Variants in TMEM117 observed in about 807,000 individuals in gnomAD.
TMEM117 encodes transmembrane protein 117.
TMEM117 carries 27 observed loss-of-function variants against 52.4 expected under a neutral mutation model. That is an observed-to-expected ratio of 0.51 (90% CI 0.38 to 0.71). The LOEUF is 0.71. Among genes scored for constraint, TMEM117 ranks in the 30% least tolerant of loss-of-function variants. The probability of loss-of-function intolerance (pLI) is 0.00; values close to 1 mark genes in which losing one functional copy is unlikely to be tolerated. For missense variants in TMEM117, 556 were observed against 630.5 expected, an observed-to-expected ratio of 0.88 and a Z score of 1.26; for synonymous variants, 215 against 206.3, an observed-to-expected ratio of 1.04 and a Z score of -0.36.
chr12:43,827,168 T>C, the TMEM117 span, among the ~76,000 whole-genome samples: 1 of 152,030 alleles, frequency 6.6e-6, no homozygotes, highest in Non-Finnish European at 1.5e-5. Context: ...AAAGGAAATC[T>C]GCCCTGACCA....
chr12:44,098,480 G>A (rs1037642296), intron 3 of TMEM117, among the ~76,000 whole-genome samples: 7 of 152,008 alleles, frequency 4.6e-5, no homozygotes, highest in Admixed American at 2.6e-4. Context: ...ATTCTTAGAT[G>A]TGTCTGCCTA....
intron 3 of TMEM117, among the ~76,000 whole-genome samples, chr12:43,962,797 G>A (rs1241618991): frequency 2.0e-5 from 3 of 151,958 alleles, no homozygotes; most frequent in Non-Finnish European, 2.9e-5. Context: ...GCATGGCGGC[G>A]GGCGCCTGTA....
At chr12:44,067,880 G>A (rs1268095361) in intron 3 of TMEM117, among the ~76,000 whole-genome samples, 1 of 152,166 alleles carries the variant, frequency 6.6e-6, no homozygotes, top group African/African-American at 2.4e-5. Context: ...GTCTTAGACG[G>A]CATCTTCTTC....
intron 1 of TMEM117, among the ~76,000 whole-genome samples, chr12:43,842,522 T>C (rs954474812): frequency 5.6e-4 from 85 of 152,156 alleles, no homozygotes; most frequent in South Asian, 2.1e-4. Context: ...TTAACTAAGA[T>C]TGTGGGTTGA....
chr12:43,969,564 G>A (rs890452601), intron 3 of TMEM117, among the ~76,000 whole-genome samples: 6 of 151,478 alleles, frequency 4.0e-5, no homozygotes, highest in Non-Finnish European at 8.8e-5. Context: ...TTTCATCCTC[G>A]TATGAAAACC....
At chr12:43,823,804 T>A in the TMEM117 span, among the ~76,000 whole-genome samples, 5 of 152,040 alleles carry the variant, frequency 3.3e-5, no homozygotes, top group Admixed American at 2.0e-4. Context: ...GCACTGGCCA[T>A]GAGTGTAATT....
intron 6 of TMEM117, among the ~76,000 whole-genome samples, chr12:44,375,015 T>C (rs1228894027): frequency 2.0e-5 from 3 of 152,096 alleles, no homozygotes; most frequent in African/African-American, 7.2e-5. Context: ...TGTCTATTAT[T>C]ATTATCATTA....
At chr12:43,886,524 A>C (rs570612909) in intron 2 of TMEM117, among the ~76,000 whole-genome samples, 4 of 152,186 alleles carry the variant, frequency 2.6e-5, no homozygotes, top group Admixed American at 2.0e-4. Flanking sequence ...CAGCTTGCAT[A>C]GCTTAAAAAA....
chr12:44,009,716 A>C (rs1294996631), intron 3 of TMEM117: 1 of 251,228 alleles, frequency 4.0e-6, no homozygotes, highest in Admixed American at 4.0e-5. Flanking sequence ...CTTCTCTCCC[A>C]GCTCATGGGC....
At chr12:44,155,438 G>T (rs1482058231) in intron 4 of TMEM117, among the ~76,000 whole-genome samples, 1 of 152,072 alleles carries the variant, frequency 6.6e-6, no homozygotes, top group Admixed American at 6.6e-5. Context: ...TTGGCAAGTG[G>T]TCATGCTGTG....
At chr12:44,224,283 C>T (rs1244444194) in intron 5 of TMEM117, among the ~76,000 whole-genome samples, 1 of 152,054 alleles carries the variant, frequency 6.6e-6, no homozygotes, top group East Asian at 1.9e-4. Flanking sequence ...ATCTATACAT[C>T]TTTGTATCAA....
chr12:44,091,646 A>G (rs1035597782), intron 3 of TMEM117, among the ~76,000 whole-genome samples: 3 of 152,292 alleles, frequency 2.0e-5, no homozygotes, highest in South Asian at 2.1e-4. Flanking sequence ...GAATATTTCT[A>G]TTCTCAGCAT....
At chr12:43,914,673 G>A (rs989471120) in intron 2 of TMEM117, among the ~76,000 whole-genome samples, 1 of 152,096 alleles carries the variant, frequency 6.6e-6, no homozygotes, top group Non-Finnish European at 1.5e-5. Flanking sequence ...TTTCATGGTA[G>A]CCGTGCCTGC....
At chr12:44,017,468 C>T (rs528105705) in intron 3 of TMEM117, among the ~76,000 whole-genome samples, 4 of 151,780 alleles carry the variant, frequency 2.6e-5, no homozygotes, top group African/African-American at 9.7e-5. Flanking sequence ...ATCTGCTGGC[C>T]CTCCTCTTAC....
chr12:44,224,321 A>T (rs965630675), intron 5 of TMEM117, among the ~76,000 whole-genome samples: 19 of 152,172 alleles, frequency 1.2e-4, no homozygotes, highest in South Asian at 6.2e-4. Flanking sequence ...TTTATTTGTT[A>T]ATCTGCCCAA....
At chr12:43,949,154 A>C (rs925060501) in intron 3 of TMEM117, among the ~76,000 whole-genome samples, 1 of 152,224 alleles carries the variant, frequency 6.6e-6, no homozygotes, top group Non-Finnish European at 1.5e-5. Context: ...GCTAAGGGAC[A>C]TAAGGCAGAG....
the TMEM117 span, among the ~76,000 whole-genome samples, chr12:43,828,390 A>G: frequency 6.6e-6 from 1 of 152,334 alleles, no homozygotes; most frequent in Non-Finnish European, 1.5e-5. Context: ...AGGGCCTCAG[A>G]CATGTCTCAG....
At chr12:43,821,943 A>G in the TMEM117 span, among the ~76,000 whole-genome samples, 1 of 152,216 alleles carries the variant, frequency 6.6e-6, no homozygotes, top group African/African-American at 2.4e-5. Flanking sequence ...CTAGAACACT[A>G]TGTTGGGTGA....
chr12:44,000,701 T>C (rs1480486951), intron 3 of TMEM117, among the ~76,000 whole-genome samples: 5 of 152,058 alleles, frequency 3.3e-5, no homozygotes, highest in Non-Finnish European at 7.4e-5. Context: ...TCAGAGAAAA[T>C]TGAATCTCCC....
Sources: gnomAD v4.1 joint callset for allele counts (sites outside exome capture counted in the v4.1 genomes callset) on GRCh38, gnomAD v4.1.1 for gene constraint, MANE v1.5 for transcripts, NCBI Gene and HGNC (gene_info 2026-07-23, HGNC 2026-07-21) for gene names.